Variants in TRPM3 observed in about 807,000 individuals in gnomAD.
The protein encoded by TRPM3 is long transient receptor potential channel 3.
A neutral mutation model predicts 181.2 loss-of-function variants in TRPM3; 77 were observed. That is an observed-to-expected ratio of 0.42 (90% CI 0.35 to 0.51). TRPM3 has a LOEUF of 0.51. Ranked by LOEUF, TRPM3 falls within the 20% of genes least tolerant of loss-of-function variation. The pLI is 0.01. For missense variants in TRPM3, 1,759 were observed against 2,196.7 expected (o/e 0.80, Z 3.98); for synonymous variants, 745 against 796.4 (o/e 0.94, Z 1.09).
intron 1 of TRPM3, among the ~76,000 whole-genome samples, chr9:71,318,682 G>C (rs1005686756): frequency 4.0e-4 from 61 of 152,084 alleles, no homozygotes; most frequent in African/African-American, 1.4e-3. Context: ...TAAAATAAAA[G>C]AATCACAGGA....
rs138728629 is a variant in TRPM3 at position 70,772,999 on chromosome 9, T to C, written c.1148+11106A>G. 4.1e-3 allele frequency among the ~76,000 whole-genome samples: 627 copies of C among 152,326 alleles called. 4 individuals carry two copies. Among genetic ancestry groups the C allele is most frequent in the African/African-American group, 0.014 (598 of 41,580 alleles). On this transcript the variant is annotated intron_variant, in intron 7 of 25. Coordinates refer to ENST00000677713, the MANE Select transcript of TRPM3 (RefSeq NM_001366145.2). ...CCCATATAAAAGACAGAATCCGAGC[T>C]GGACTGAATTTTTGGGGCCTCCAGG...
rs1412292142 is a variant in TRPM3, at chr9:71,121,552, G to A, written c.-198C>T. The stretch of plus-strand genomic sequence containing the variant: ...CTGCTGCTTCGGGGAGGGGATGCAC[G>A]ATTTTGAAGAAGAGGGACAGCCTGC... On this transcript the variant is annotated 5_prime_UTR_variant, in exon 1 of 26. Transcript: ENST00000677713. 54 of 1,382,398 alleles carry A rather than the reference G, an allele frequency of 3.9e-5. No homozygotes were observed. The highest frequency in any genetic ancestry group is 1.3e-4 in the East Asian group (5 of 37,600). The allele number at this position is 1,382,398 out of a possible 1,614,324, so 85.6% of individuals were successfully genotyped here.
At chr9:71,286,531 G>T (rs1431752690) in intron 1 of TRPM3, among the ~76,000 whole-genome samples, 2 of 152,092 alleles carry the variant, frequency 1.3e-5, no homozygotes, top group African/African-American at 2.4e-5. Context: ...GAGTGTGGAA[G>T]ACTGGGACAG....
intron 1 of TRPM3, among the ~76,000 whole-genome samples, chr9:70,941,694 G>A (rs955909847): frequency 2.0e-5 from 3 of 152,188 alleles, no homozygotes; most frequent in Admixed American, 6.5e-5. Context: ...AAGGCAAGAG[G>A]CATTTTACTA....
At chr9:71,090,909 C>T (rs1213467579) in intron 1 of TRPM3, among the ~76,000 whole-genome samples, 2 of 152,066 alleles carry the variant, frequency 1.3e-5, no homozygotes, top group Non-Finnish European at 2.9e-5. Flanking sequence ...TACAATCAGT[C>T]ATATGTAGTG....
In TRPM3 at chr9:71,127,211, T is replaced by A. The variant is rs191402355; in HGVS notation, c.184-262700A>T. On this transcript the variant is annotated intron_variant, in intron 1 of 24. Coordinates refer to the TRPM3 transcript ENST00000357533. Reference sequence around the variant, plus strand: ...TAGGAAGCTTTGAGGGGAAACTCACTAATAATTTAGCTTCTTTTTAAACAT... The same window carrying A: ...TAGGAAGCTTTGAGGGGAAACTCACAAATAATTTAGCTTCTTTTTAAACAT... Among the ~76,000 whole-genome samples, 47 of 152,152 alleles carry A rather than the reference T, an allele frequency of 3.1e-4. 1 individual carries two copies. The East Asian group carries it at 4.8e-3, about 16-fold the overall frequency.
intron 1 of TRPM3, among the ~76,000 whole-genome samples, chr9:71,176,435 G>A (rs1031918880): frequency 6.6e-6 from 1 of 152,034 alleles, no homozygotes. Flanking sequence ...AGGATATAAG[G>A]AAAGAAAGTA....
intron 1 of TRPM3, among the ~76,000 whole-genome samples, chr9:71,055,025 G>A (rs963219577): frequency 2.2e-4 from 33 of 152,128 alleles, no homozygotes; most frequent in African/African-American, 7.2e-4. Flanking sequence ...TAAGCAGTGG[G>A]TTCAGAGTAG....
chr9:71,311,141 A>G (rs1302152104), intron 1 of TRPM3, among the ~76,000 whole-genome samples: 1 of 152,116 alleles, frequency 6.6e-6, no homozygotes, highest in East Asian at 1.9e-4. Flanking sequence ...TAGTATCCTA[A>G]TAATTTATTT....
intron 6 of TRPM3, among the ~76,000 whole-genome samples, chr9:70,789,138 C>A (rs1331778202): frequency 6.6e-6 from 1 of 152,138 alleles, no homozygotes; most frequent in East Asian, 1.9e-4. Context: ...AAAACTCTAG[C>A]AAGATTCACA....
At chr9:71,114,586 T>C (rs533168309) in intron 1 of TRPM3, among the ~76,000 whole-genome samples, 2 of 152,296 alleles carry the variant, frequency 1.3e-5, no homozygotes, top group East Asian at 3.9e-4. Context: ...CCAGAATCGT[T>C]GGTTAGTTTT....
At chr9:71,138,128 GA>G (rs564021762) in intron 1 of TRPM3, among the ~76,000 whole-genome samples, 4 of 145,020 alleles carry the variant, frequency 2.8e-5, no homozygotes, top group Non-Finnish European at 4.6e-5. Flanking sequence ...AAGAAAAAAA[GA>G]AAAAAAAAAG....
At chr9:70,560,010 C>T (rs2048675915) in intron 22 of TRPM3, among the ~76,000 whole-genome samples, 1 of 152,022 alleles carries the variant, frequency 6.6e-6, no homozygotes, top group Non-Finnish European at 1.5e-5. Flanking sequence ...TAGTTTTTTC[C>T]TTATGTGGGA....
In TRPM3 at chr9:70,535,235, G is replaced by T. The variant is rs187186831; in HGVS notation, c.*718C>A. ...TTAACATCAACTCTTCTTTCATTTC[G>T]ATTGCAATACAAAAAGGCATTTCTG... is the stretch of plus-strand genomic sequence containing the variant. On this transcript the variant is annotated 3_prime_UTR_variant, in exon 26 of 26. Coordinates refer to ENST00000677713, the MANE Select transcript of TRPM3 (RefSeq NM_001366145.2). 2.5e-3 allele frequency: 1,567 copies of T among 617,334 alleles called. 5 individuals carry two copies. Among genetic ancestry groups the T allele is most frequent in the South Asian group, 9.5e-3 (373 of 39,114 alleles). The allele number at this position is 617,334 out of a possible 1,614,324, so 38.2% of individuals were successfully genotyped here.
At chr9:70,881,219 C>T (rs1179701455) in intron 1 of TRPM3, among the ~76,000 whole-genome samples, 1 of 152,088 alleles carries the variant, frequency 6.6e-6, no homozygotes, top group African/African-American at 2.4e-5. Flanking sequence ...AGGGTACTGG[C>T]TTACCATATA....
At chr9:71,276,191 C>A (rs2132160036) in intron 1 of TRPM3, among the ~76,000 whole-genome samples, 1 of 152,140 alleles carries the variant, frequency 6.6e-6, no homozygotes, top group Middle Eastern at 3.4e-3. Context: ...TGACTACATA[C>A]GTGGCAAAAA....
At chr9:71,094,544 G>C (rs2133950187) in intron 1 of TRPM3, among the ~76,000 whole-genome samples, 1 of 151,588 alleles carries the variant, frequency 6.6e-6, no homozygotes, top group South Asian at 2.1e-4. Flanking sequence ...AATAGAAGAG[G>C]AATATAGGAG....
intron 1 of TRPM3, among the ~76,000 whole-genome samples, chr9:71,179,754 C>T (rs1166368074): frequency 6.6e-6 from 1 of 152,078 alleles, no homozygotes; most frequent in African/African-American, 2.4e-5. Context: ...ACATATATTC[C>T]CATCAGGAAA....
At chr9:70,831,826 T>C (rs1485558687) in intron 5 of TRPM3, among the ~76,000 whole-genome samples, 4 of 151,282 alleles carry the variant, frequency 2.6e-5, no homozygotes, top group African/African-American at 9.7e-5. Context: ...ATTAAATATT[T>C]TAAAATAACT....
Sources: gnomAD v4.1 joint callset for allele counts (sites outside exome capture counted in the v4.1 genomes callset) on GRCh38, gnomAD v4.1.1 for gene constraint, MANE v1.5 for transcripts, NCBI Gene and HGNC (gene_info 2026-07-23, HGNC 2026-07-21) for gene names.